NOL4L: variants seen among roughly 807,000 people sequenced by gnomAD.
NOL4L encodes nucleolar protein 4 like.
Under a neutral mutation model 64.5 loss-of-function variants are expected in NOL4L, and 7 were observed. That is an observed-to-expected ratio of 0.11 (90% CI 0.06 to 0.20). NOL4L has a LOEUF of 0.20. NOL4L is among the 10% of genes least tolerant of loss of function. The probability of loss-of-function intolerance (pLI) is 1.00; values close to 1 mark genes in which losing one functional copy is unlikely to be tolerated. For synonymous variants in NOL4L, 413 were observed against 401.0 expected (o/e 1.03, Z -0.36); for missense variants, 680 against 967.1 (o/e 0.70, Z 3.94).
chr20:32,470,488 G>A (rs1052898383), intron 5 of NOL4L, among the ~76,000 whole-genome samples: 1 of 152,266 alleles, frequency 6.6e-6, no homozygotes, highest in Admixed American at 6.5e-5. Context: ...GGTACTTGGG[G>A]AGGAGACTGC....
At chr20:32,537,434 C>T (rs1314944847) in intron 1 of NOL4L, among the ~76,000 whole-genome samples, 2 of 152,228 alleles carry the variant, frequency 1.3e-5, no homozygotes, top group African/African-American at 4.8e-5. Context: ...GCCAAGCACT[C>T]ACGGCCTCGT....
chr20:32,488,859 CTTT>C (rs2016314133), intron 4 of NOL4L, among the ~76,000 whole-genome samples: 1 of 76,772 alleles, frequency 1.3e-5, no homozygotes, highest in Non-Finnish European at 2.4e-5. Context: ...TTCTTTCTTT[CTTT>C]CTTTCTTTCT....
intron 5 of NOL4L, chr20:32,465,001 C>T (rs1237809870): frequency 6.5e-6 from 4 of 615,764 alleles, no homozygotes; most frequent in Non-Finnish European, 1.2e-5. Context: ...CTAGATCTTC[C>T]CCTAAAACTG....
At chr20:32,583,601 T>G (rs1980649078) in intron 1 of NOL4L, among the ~76,000 whole-genome samples, 3 of 148,072 alleles carry the variant, frequency 2.0e-5, no homozygotes. Context: ...ATGGAGGGTC[T>G]CGGCGACGGA....
In NOL4L at chr20:32,452,413, G is replaced by C; in HGVS notation, c.1645C>G (p.Gln549Glu). ...SQDEPIALDKQHSRDSAAITH... is the reference protein window; with the variant it reads ...SQDEPIALDKEHSRDSAAITH... ...ATGGCTGCGGAGTCCCGCGAGTGCT[G>C]CTTGTCCAGGGCTATGGGCTCATCC... Residue 549 changes from glutamine to glutamate, a missense_variant, in exon 10 of 11, where the codon CAG becomes GAG. Coordinates refer to ENST00000621426, the MANE Select transcript of NOL4L (RefSeq NM_001256798.2). The C allele has an allele frequency of 1.2e-6, 2 of 1,607,880 alleles. No individual in the cohort carries two copies. Among genetic ancestry groups the C allele is most frequent in the Non-Finnish European group, 1.7e-6 (2 of 1,176,790 alleles).
In NOL4L at chr20:32,568,191, C is replaced by G. The variant is rs1979548517; in HGVS notation, c.321+16379G>C. 1.3e-5 allele frequency among the ~76,000 whole-genome samples: 2 copies of G among 151,844 alleles called. 1 individual carries two copies. Among genetic ancestry groups the G allele is most frequent in the Admixed American group, 1.3e-4 (2 of 15,210 alleles). ...CCATCACCACCATCAGCACCACCAC[C>G]ATAACTGTGTCATGTAGCATCCGTT... is the stretch of plus-strand genomic sequence containing the variant. On this transcript the variant is annotated intron_variant, in intron 1 of 10. Coordinates refer to ENST00000621426, the MANE Select transcript of NOL4L (RefSeq NM_001256798.2).
intron 1 of NOL4L, among the ~76,000 whole-genome samples, chr20:32,536,602 G>T (rs1300660811): frequency 6.7e-6 from 1 of 148,858 alleles, no homozygotes; most frequent in Non-Finnish European, 1.5e-5. Context: ...CTGCTGGAGC[G>T]GCTCGCGCGG....
chr20:32,480,314 A>C (rs2015637871), intron 4 of NOL4L, among the ~76,000 whole-genome samples: 1 of 152,174 alleles, frequency 6.6e-6, no homozygotes, highest in Non-Finnish European at 1.5e-5. Flanking sequence ...TTTAAGCCAT[A>C]AGCCCTGACC....
chr20:32,578,327 G>C (rs4911100), intron 1 of NOL4L, among the ~76,000 whole-genome samples: 80,489 of 151,982 alleles, frequency 0.53, 25,645 homozygotes, highest in East Asian at 0.94. Flanking sequence ...GGCCCTGGTG[G>C]GTGCTGTCAC....
chr20:32,537,122 C>T, intron 1 of NOL4L: 1 of 985,366 alleles, frequency 1.0e-6, no homozygotes, highest in Non-Finnish European at 1.2e-6. Flanking sequence ...ATCTTGCCAG[C>T]TCTCCTTCAG....
At chr20:32,465,023 C>T (rs1481858455) in intron 5 of NOL4L, 1 of 630,652 alleles carries the variant, frequency 1.6e-6, no homozygotes, top group African/African-American at 1.9e-5. Flanking sequence ...AATCATTTCT[C>T]TCTGCAGAGA....
intron 1 of NOL4L, among the ~76,000 whole-genome samples, chr20:32,539,733 G>A (rs1463163522): frequency 6.6e-6 from 1 of 152,154 alleles, no homozygotes; most frequent in Non-Finnish European, 1.5e-5. Flanking sequence ...GTCTCAGTCT[G>A]CATATCTTCT....
chr20:32,543,478 G>A (rs1215902353), intron 1 of NOL4L, among the ~76,000 whole-genome samples: 1 of 152,208 alleles, frequency 6.6e-6, no homozygotes, highest in African/African-American at 2.4e-5. Context: ...AATTAGCTGG[G>A]TGTGGTTGTG....
intron 1 of NOL4L, among the ~76,000 whole-genome samples, chr20:32,577,622 G>A (rs1980198884): frequency 6.6e-6 from 1 of 152,154 alleles, no homozygotes; most frequent in African/African-American, 2.4e-5. Flanking sequence ...GAGGCAGGAG[G>A]ATCACTTGAG....
intron 1 of NOL4L, chr20:32,532,260 A>C (rs2018371967): frequency 1.6e-6 from 1 of 616,470 alleles, no homozygotes; most frequent in Non-Finnish European, 2.0e-6. Flanking sequence ...TTACATAGGA[A>C]AGGAGAGGGC....
At chr20:32,508,313 T>C (rs1341662888) in intron 4 of NOL4L, among the ~76,000 whole-genome samples, 1 of 152,208 alleles carries the variant, frequency 6.6e-6, no homozygotes, top group Non-Finnish European at 1.5e-5. Context: ...TATATGTATT[T>C]TTAGTTCTAA....
At chr20:32,580,647 C>G (rs1980407448) in intron 1 of NOL4L, among the ~76,000 whole-genome samples, 1 of 152,192 alleles carries the variant, frequency 6.6e-6, no homozygotes, top group Non-Finnish European at 1.5e-5. Context: ...CGGTGGGATT[C>G]CTGGCATGTG....
intron 2 of NOL4L, among the ~76,000 whole-genome samples, chr20:32,527,444 G>T (rs1488278225): frequency 1.3e-5 from 2 of 152,158 alleles, no homozygotes; most frequent in Non-Finnish European, 2.9e-5. Flanking sequence ...GGGGCTGGGG[G>T]TGGTGTCGGG....
At chr20:32,521,168 A>C (rs1324917690) in intron 2 of NOL4L, among the ~76,000 whole-genome samples, 1 of 152,248 alleles carries the variant, frequency 6.6e-6, no homozygotes, top group Non-Finnish European at 1.5e-5. Flanking sequence ...CAAACCCTTT[A>C]AACATTATCT....
Sources: allele counts gnomAD v4.1 joint callset (sites outside exome capture counted in the v4.1 genomes callset), GRCh38; gene constraint gnomAD v4.1.1; transcripts MANE v1.5; gene names NCBI Gene and HGNC (gene_info 2026-07-23, HGNC 2026-07-21).